The following JAZF1 variants were observed in gnomAD, a reference collection of about 807,000 sequenced individuals.
The protein encoded by JAZF1 is JAZF zinc finger 1.
JAZF1 carries 8 observed loss-of-function variants against 26.4 expected under a neutral mutation model. That is an observed-to-expected ratio of 0.30 (90% CI 0.18 to 0.55). JAZF1 has a LOEUF of 0.55. JAZF1 is among the 20% of genes least tolerant of loss of function. The pLI is 0.94. For synonymous variants in JAZF1, 126 were observed against 122.3 expected (o/e 1.03, Z -0.20); for missense variants, 199 against 322.0 (o/e 0.62, Z 2.92).
intron 2 of JAZF1, among the ~76,000 whole-genome samples, chr7:27,898,267 G>T (rs1784103834): frequency 1.5e-5 from 2 of 135,866 alleles, no homozygotes; most frequent in African/African-American, 2.8e-5. Context: ...GAGAGAGAAA[G>T]GCTTCTCTAC....
At chr7:28,104,718 C>T (rs751165186) in intron 1 of JAZF1, among the ~76,000 whole-genome samples, 2 of 152,130 alleles carry the variant, frequency 1.3e-5, no homozygotes, top group Admixed American at 6.5e-5. Context: ...GATTCTGGAA[C>T]GTATTAGGTT....
chr7:27,970,830 T>G (rs1027917469), intron 2 of JAZF1, among the ~76,000 whole-genome samples: 1 of 152,268 alleles, frequency 6.6e-6, no homozygotes, highest in Non-Finnish European at 1.5e-5. Flanking sequence ...TTTATGAATC[T>G]TAGTTTACTT....
intron 3 of JAZF1, among the ~76,000 whole-genome samples, chr7:27,863,543 G>A (rs1783418305): frequency 6.6e-6 from 1 of 152,164 alleles, no homozygotes; most frequent in South Asian, 2.1e-4. Context: ...CCCTCATAGT[G>A]CAGCTAACTT....
At chr7:28,065,616 A>C (rs781334883) in intron 1 of JAZF1, among the ~76,000 whole-genome samples, 9 of 152,202 alleles carry the variant, frequency 5.9e-5, no homozygotes, top group Non-Finnish European at 8.8e-5. Flanking sequence ...AAATTACCAA[A>C]AATGTTTTAC....
chr7:28,012,217 C>A (rs753375218), intron 1 of JAZF1, among the ~76,000 whole-genome samples: 2 of 152,138 alleles, frequency 1.3e-5, no homozygotes, highest in Non-Finnish European at 2.9e-5. Flanking sequence ...GTATTTCATT[C>A]ACCGTGTCAA....
At chr7:27,855,564 A>G (rs923392334) in intron 3 of JAZF1, among the ~76,000 whole-genome samples, 36 of 152,356 alleles carry the variant, frequency 2.4e-4, no homozygotes, top group African/African-American at 8.7e-4. Flanking sequence ...ACAAACTACC[A>G]TCAGATTATA....
At chr7:28,084,339 A>G (rs1195464851) in intron 1 of JAZF1, among the ~76,000 whole-genome samples, 1 of 152,196 alleles carries the variant, frequency 6.6e-6, no homozygotes, top group East Asian at 1.9e-4. Flanking sequence ...CATCAGGCCA[A>G]CTAGTGGCTT....
chr7:28,052,817 G>T (rs1183404005), intron 1 of JAZF1, among the ~76,000 whole-genome samples: 4 of 144,680 alleles, frequency 2.8e-5, no homozygotes, highest in East Asian at 2.0e-4. Context: ...TATGGATACT[G>T]GCTTTTTTTT....
intron 1 of JAZF1, among the ~76,000 whole-genome samples, chr7:28,121,709 A>G (rs140629747): frequency 2.0e-5 from 3 of 152,276 alleles, no homozygotes; most frequent in Admixed American, 6.5e-5. Flanking sequence ...ATGTTTGTAC[A>G]TTTCTCTGTG....
At position 28,180,437 on chromosome 7, in the gene JAZF1, C is replaced by T. The variant is rs769485898; in HGVS notation, c.115+26G>A. On this transcript the variant is annotated intron_variant, in intron 1 of 4. Coordinates refer to ENST00000283928, the MANE Select transcript of JAZF1 (RefSeq NM_175061.4). The stretch of plus-strand genomic sequence containing the variant: ...GGCAGGAGTTTCCGCGCGCCTGGCA[C>T]CCCCGCCCACCCCCGGGCCATTTAC... 4.4e-6 allele frequency: 7 copies of T among 1,584,746 alleles called. No homozygotes were observed. In the African/African-American group the frequency reaches 5.4e-5, roughly 12 times the overall value.
At chr7:27,913,316 T>G in intron 2 of JAZF1, 2 of 417,892 alleles carry the variant, frequency 4.8e-6, no homozygotes, top group South Asian at 3.5e-5. Flanking sequence ...TGTAGCCAGA[T>G]TGAGATTTTC....
intron 2 of JAZF1, among the ~76,000 whole-genome samples, chr7:27,920,729 T>C (rs1784514148): frequency 6.6e-6 from 1 of 152,194 alleles, no homozygotes; most frequent in African/African-American, 2.4e-5. Context: ...GCTCCCCACT[T>C]CCGCCGACAA....
chr7:28,153,127 T>G (rs745387295), intron 1 of JAZF1, among the ~76,000 whole-genome samples: 1 of 152,146 alleles, frequency 6.6e-6, no homozygotes, highest in Non-Finnish European at 1.5e-5. Flanking sequence ...GCACCTCCAC[T>G]ATGGCCCTAT....
chr7:28,085,593 T>C (rs1051437061), intron 1 of JAZF1, among the ~76,000 whole-genome samples: 2 of 152,202 alleles, frequency 1.3e-5, no homozygotes, highest in African/African-American at 4.8e-5. Flanking sequence ...GACCACGTTA[T>C]AAACCCCTCC....
chr7:28,127,887 C>T (rs1175906961), intron 1 of JAZF1, among the ~76,000 whole-genome samples: 2 of 152,066 alleles, frequency 1.3e-5, no homozygotes, highest in African/African-American at 2.4e-5. Flanking sequence ...AGCAGTATGG[C>T]GGGTGTTCTC....
intron 1 of JAZF1, among the ~76,000 whole-genome samples, chr7:28,140,935 TATA>T (rs1222344017): frequency 2.0e-5 from 3 of 152,350 alleles, no homozygotes; most frequent in African/African-American, 7.2e-5. Context: ...TTTGAACTGT[TATA>T]ATGTTTTGAA....
intron 1 of JAZF1, among the ~76,000 whole-genome samples, chr7:28,017,073 G>A (rs540560635): frequency 2.1e-4 from 32 of 152,196 alleles, no homozygotes; most frequent in African/African-American, 5.1e-4. Flanking sequence ...TTATCTGGCC[G>A]GGCCCAATGG....
intron 2 of JAZF1, among the ~76,000 whole-genome samples, chr7:27,930,526 A>C (rs543824919): frequency 1.3e-5 from 2 of 152,358 alleles, no homozygotes; most frequent in South Asian, 4.1e-4. Flanking sequence ...CACTGAGGTT[A>C]ATGAAAACAG....
rs1443153604 is a variant in JAZF1, at chr7:28,098,372, A to T, written c.115+82091T>A. On this transcript the variant is annotated intron_variant, in intron 1 of 4. Coordinates refer to ENST00000283928, the MANE Select transcript of JAZF1 (RefSeq NM_175061.4). ...ATTGTGTGTAAGCCAAACAGTCTGC[A>T]GTATTTTGTTGTAGCAGCTCAACCT... Among the ~76,000 whole-genome samples, 5 of 152,140 alleles carry T rather than the reference A, an allele frequency of 3.3e-5. No homozygotes were observed. The East Asian group carries it at 9.6e-4, about 29-fold the overall frequency.
Sources: gnomAD v4.1 joint callset for allele counts (sites outside exome capture counted in the v4.1 genomes callset) on GRCh38, gnomAD v4.1.1 for gene constraint, MANE v1.5 for transcripts, NCBI Gene and HGNC (gene_info 2026-07-23, HGNC 2026-07-21) for gene names.